BAP1: variants seen among roughly 807,000 people sequenced by gnomAD.
BAP1 encodes the protein ubiquitin carboxyl-terminal hydrolase BAP1.
In BAP1, 16 loss-of-function variants were observed where a neutral mutation model predicts 77.2. That is an observed-to-expected ratio of 0.21 (90% CI 0.14 to 0.31). BAP1 has a LOEUF of 0.31. Ranked by LOEUF, BAP1 falls within the 10% of genes least tolerant of loss-of-function variation. The pLI is 1.00. For synonymous variants in BAP1, 362 were observed against 385.2 expected (o/e 0.94, Z 0.71); for missense variants, 699 against 967.3 (o/e 0.72, Z 3.68).
rs1476935690 is a variant in BAP1 at position 52,406,838 on chromosome 3, G to A, written c.650C>T (p.Ala217Val). ...GGCACAGGGCCCTTACCCTGCAGTG[G>A]CGAGGCCGATACGCTCCATGATGAC... is the stretch of plus-strand genomic sequence containing the variant. Reference protein sequence around the residue: ...RRVIMERIGLATAGEPYHDIR... With the variant: ...RRVIMERIGLVTAGEPYHDIR... The change falls in exon 8 of 17, where the codon GCC (alanine) becomes GTC (valine). Residue 217 changes from alanine to valine, a missense_variant. Ala to Val is a moderately conservative substitution (Grantham distance 64). Transcript: ENST00000460680. The surrounding 1 kb of genome is among the most constrained non-coding windows in gnomAD (Gnocchi z 4.6). The A allele has an allele frequency of 6.4e-7, 1 of 1,557,034 alleles. No homozygotes were observed. The highest frequency in any genetic ancestry group is 8.7e-7 in the Non-Finnish European group (1 of 1,149,808).
intron 10 of BAP1, 158 bp from the exon 11 acceptor site, chr3:52,405,452 A>T (rs755016611): frequency 8.1e-6 from 4 of 491,446 alleles, no homozygotes; most frequent in Middle Eastern, 6.8e-4. Context: ...TCCCGCAATG[A>T]GACAGGGCAA....
Position 52,403,924 on chromosome 3 carries a change from G to A in BAP1, c.1251-30C>T. ...GGGGCCCGAGAAGATGTGAAGCAAGGGAACGGGCCAGGTGACCATACCCAG... is the reference window on the plus strand; with the variant it reads ...GGGGCCCGAGAAGATGTGAAGCAAGAGAACGGGCCAGGTGACCATACCCAG... On this transcript the variant is annotated intron_variant, in intron 12 of 16. Coordinates refer to ENST00000460680, the MANE Select transcript of BAP1 (RefSeq NM_004656.4). The surrounding 1 kb of genome is among the most constrained non-coding windows in gnomAD (Gnocchi z 4.0). 1 of 1,611,276 alleles carries A rather than the reference G, an allele frequency of 6.2e-7. No individual in the cohort carries two copies. The highest frequency in any genetic ancestry group is 8.5e-7 in the Non-Finnish European group (1 of 1,178,456).
At chr3:52,405,686 CTT>C in intron 10 of BAP1, 77 bp downstream of exon 10, 1 of 1,581,684 alleles carries the variant, frequency 6.3e-7, no homozygotes, top group Non-Finnish European at 8.6e-7. Flanking sequence ...CAGAAAAAGA[CTT>C]TCCCTGTTTA....
rs1578223103 is a variant in BAP1 at position 52,405,115 on chromosome 3, T to TG, written c.1110dup (p.Met371HisfsTer27). ...CAAGGGTGCTCCCAGCTTACCTGCATGGGGGACTTGGCATAATTGTGATTG... is the reference window on the plus strand; with the variant it reads ...CAAGGGTGCTCCCAGCTTACCTGCATGGGGGGACTTGGCATAATTGTGATTG... On this transcript the variant is annotated frameshift_variant, in exon 11 of 17. Transcript: ENST00000460680. LOFTEE classifies it high-confidence loss of function. The TG allele has an allele frequency of 6.2e-7, 1 of 1,614,064 alleles. No individual in the cohort carries two copies.
Position 52,404,433 on chromosome 3 carries a change from C to A in BAP1, c.1250+20G>T, listed in dbSNP as rs2153226815. ...ATCCGAAGCACCTAGAACCTGGTAGCCTTAGAAAGCTGGGCTGACCTAAGG... is the reference window on the plus strand; with the variant it reads ...ATCCGAAGCACCTAGAACCTGGTAGACTTAGAAAGCTGGGCTGACCTAAGG... On this transcript the variant is annotated intron_variant, in intron 12 of 16. Coordinates refer to ENST00000460680, the MANE Select transcript of BAP1 (RefSeq NM_004656.4). 1.9e-6 allele frequency: 3 copies of A among 1,614,222 alleles called. No individual in the cohort carries two copies. The highest frequency in any genetic ancestry group is 2.5e-6 in the Non-Finnish European group (3 of 1,180,028).
chr3:52,402,574 C>G lies in BAP1; in HGVS notation c.2056+28G>C, dbSNP rs77990448. 6.2e-7 allele frequency: 1 copy of G among 1,613,802 alleles called. No homozygotes were observed. Among genetic ancestry groups the G allele is most frequent in the Non-Finnish European group, 8.5e-7 (1 of 1,179,746 alleles). On this transcript the variant is annotated intron_variant, in intron 16 of 16. Coordinates refer to ENST00000460680, the MANE Select transcript of BAP1 (RefSeq NM_004656.4). This position sits in a 1 kb window ranked among gnomAD's most constrained non-coding sequence, Gnocchi z 5.3. ...GGACACGGCCCTCAGCAGGGCATTCCAGTTAAGACAGCAGCGCATCCCCTC... is the reference window on the plus strand; with the variant it reads ...GGACACGGCCCTCAGCAGGGCATTCGAGTTAAGACAGCAGCGCATCCCCTC...
chr3:52,403,235 G>C lies in BAP1; in HGVS notation c.1793C>G (p.Pro598Arg), dbSNP rs763927840. 2.5e-6 allele frequency: 4 copies of C among 1,614,018 alleles called. No individual in the cohort carries two copies. The African/African-American group carries it at 5.3e-5, about 22-fold the overall frequency. The change falls in exon 14 of 17, where the codon CCA becomes CGA. Residue 598 changes from proline (P) to arginine (R), a missense_variant. By Grantham distance (103) the Pro-to-Arg change is moderately radical. This residue lies in a region of BAP1 where 475 missense variants were observed against 532.4 expected (regional missense o/e 0.89). Coordinates refer to ENST00000460680, the MANE Select transcript of BAP1 (RefSeq NM_004656.4). This position sits in a 1 kb window ranked among gnomAD's most constrained non-coding sequence, Gnocchi z 4.0. Reference sequence around the variant, plus strand: ...GGCTTCCACGACCTCCTTCTCCACTGGGCTGCTGGACCCCTGGCTGCCTTG... The same window carrying C: ...GGCTTCCACGACCTCCTTCTCCACTCGGCTGCTGGACCCCTGGCTGCCTTG... ...PIQGSQGSSS[P>R]VEKEVVEATD...
At chr3:52,408,114 C>A (rs2153228183) in intron 4 of BAP1, 37 bp from the exon 5 acceptor site, 1 of 1,576,008 alleles carries the variant, frequency 6.3e-7, no homozygotes, top group South Asian at 1.2e-5. Context: ...ACACAGCACC[C>A]CTCACTGCAA....
rs1228682380 is a variant in BAP1, at chr3:52,402,541, G to A, written c.2056+61C>T. On this transcript the variant is annotated intron_variant, in intron 16 of 16. Coordinates refer to ENST00000460680, the MANE Select transcript of BAP1 (RefSeq NM_004656.4). The surrounding 1 kb of genome is among the most constrained non-coding windows in gnomAD (Gnocchi z 5.3). Reference sequence around the variant, plus strand: ...AGCCTCAGGAGAGGCCAGGGGAGGGGAGCTGAAGGACACGGCCCTCAGCAG... The same window carrying A: ...AGCCTCAGGAGAGGCCAGGGGAGGGAAGCTGAAGGACACGGCCCTCAGCAG... 3.7e-6 allele frequency: 6 copies of A among 1,611,792 alleles called. 1 individual carries two copies. The South Asian group carries it at 6.6e-5, about 18-fold the overall frequency.
intron 4 of BAP1, 49 bp from the exon 5 acceptor site, chr3:52,408,126 C>A (rs1309253718): frequency 2.6e-6 from 4 of 1,567,920 alleles, no homozygotes; most frequent in African/African-American, 2.7e-5. Flanking sequence ...TCACTGCAAG[C>A]CCCAAGCCCA....
At position 52,406,610 on chromosome 3, in the gene BAP1, G is replaced by C; in HGVS notation, c.659+219C>G. On this transcript the variant is annotated intron_variant, in intron 8 of 16. Coordinates refer to ENST00000460680, the MANE Select transcript of BAP1 (RefSeq NM_004656.4). This position sits in a 1 kb window ranked among gnomAD's most constrained non-coding sequence, Gnocchi z 4.6. ...AACCAGCAGACCTGGGCTGCCTAAG[G>C]CTCCACTGAGGCCTGCCCCTCCCCC... 2.3e-6 allele frequency: 2 copies of C among 867,374 alleles called. No individual in the cohort carries two copies. The allele number at this position is 867,374 out of a possible 1,614,324, so 53.7% of individuals were successfully genotyped here. A position where few individuals can be genotyped will look rare whatever the true frequency, so the allele number is the denominator to read the frequency against.
intron 12 of BAP1, 72 bp downstream of exon 12, chr3:52,404,381 G>A: frequency 6.2e-7 from 1 of 1,610,660 alleles, no homozygotes; most frequent in Non-Finnish European, 8.5e-7. Context: ...GGCATTCTCA[G>A]ACACAGACTG....
chr3:52,405,025 A>G (rs1167851128), intron 11 of BAP1, 85 bp downstream of exon 11: 1 of 1,574,294 alleles, frequency 6.4e-7, no homozygotes, highest in East Asian at 2.2e-5. Context: ...AAGGATGAAC[A>G]CCAAGGAACC....
intron 12 of BAP1, 78 bp downstream of exon 12, chr3:52,404,375 T>C: frequency 1.9e-6 from 3 of 1,604,080 alleles, no homozygotes; most frequent in Non-Finnish European, 2.6e-6. Flanking sequence ...CTGCAGGGCA[T>C]TCTCAGACAC....
chr3:52,403,861 T>C lies in BAP1; in HGVS notation c.1284A>G (p.Ala428=), dbSNP rs1440977843. ...GTTGCCCATCAGCAGAACCGCTCAA[T>C]GCCCCTGGCTTCCCTGTTCCCTTCC... The part of the protein sequence containing the change: ...YKGKGTGKPG[A]LSGSADGQLS... Residue 428 remains alanine, a synonymous_variant, in exon 13 of 17, where the codon GCA becomes GCG. Transcript: ENST00000460680. This position sits in a 1 kb window ranked among gnomAD's most constrained non-coding sequence, Gnocchi z 4.0. 1 of 1,614,086 alleles carries C rather than the reference T, an allele frequency of 6.2e-7. No individual in the cohort carries two copies. Among genetic ancestry groups the C allele is most frequent in the South Asian group, 1.1e-5 (1 of 91,082 alleles).
chr3:52,402,729 C>A lies in BAP1; in HGVS notation c.1983+50G>T, dbSNP rs780037860. ...GGAGCCAATCTTGCCAGAGCAGCCA[C>A]CAGTGGACCTCGGGAGAGGCCAGAT... is the stretch of plus-strand genomic sequence containing the variant. On this transcript the variant is annotated intron_variant, in intron 15 of 16. Transcript: ENST00000460680. The surrounding 1 kb of genome is among the most constrained non-coding windows in gnomAD (Gnocchi z 5.3). 1.9e-6 allele frequency: 3 copies of A among 1,614,126 alleles called. No homozygotes were observed. In the East Asian group the frequency reaches 6.7e-5, roughly 36 times the overall value.
In BAP1 at chr3:52,406,551, C is replaced by T; in HGVS notation, c.660-175G>A. On this transcript the variant is annotated intron_variant, in intron 8 of 16. Transcript: ENST00000460680. The surrounding 1 kb of genome is among the most constrained non-coding windows in gnomAD (Gnocchi z 4.6). ...TGCCAGGCACCTGAGCTGGTACCTT[C>T]CAACAAGCTGTATGAGGGGCCTATC... 1 of 1,057,504 alleles carries T rather than the reference C, an allele frequency of 9.5e-7. No individual in the cohort carries two copies. Among genetic ancestry groups the T allele is most frequent in the Non-Finnish European group, 1.4e-6 (1 of 721,148 alleles). The allele number at this position is 1,057,504 out of a possible 1,614,324, so 65.5% of individuals were successfully genotyped here.
chr3:52,406,174 A>G lies in BAP1; in HGVS notation c.783+79T>C, dbSNP rs2153227376. The G allele has an allele frequency of 6.2e-7, 1 of 1,608,030 alleles. No individual in the cohort carries two copies. Among genetic ancestry groups the G allele is most frequent in the Admixed American group, 1.7e-5 (1 of 60,004 alleles). On this transcript the variant is annotated intron_variant, in intron 9 of 16. Transcript: ENST00000460680. This position sits in a 1 kb window ranked among gnomAD's most constrained non-coding sequence, Gnocchi z 4.6. ...ACAAGAGAGTATGTTCACGAATCAG[A>G]GACAAATGCTGTGGGGGAAGGGAGG... is the stretch of plus-strand genomic sequence containing the variant.
rs2153227593 is a variant in BAP1 at position 52,406,781 on chromosome 3, G to A, written c.659+48C>T. The A allele has an allele frequency of 1.3e-6, 2 of 1,536,318 alleles. No individual in the cohort carries two copies. The highest frequency in any genetic ancestry group is 1.8e-6 in the Non-Finnish European group (2 of 1,133,056). On this transcript the variant is annotated intron_variant, in intron 8 of 16. Transcript: ENST00000460680. This position sits in a 1 kb window ranked among gnomAD's most constrained non-coding sequence, Gnocchi z 4.6. ...CTGGATACTCTCTGTCCCTCCCAAA[G>A]TAGGTACAGCTCCAGAGAGTAGAAC...
Sources: gnomAD v4.1 joint callset for allele counts on GRCh38, gnomAD v4.1.1 for gene constraint, gnomAD v4.1.1 regional missense constraint, Gnocchi (gnomAD v3.1) non-coding constraint, MANE v1.5 for transcripts, NCBI Gene and HGNC (gene_info 2026-07-23, HGNC 2026-07-21) for gene names.